EIF4B: variants seen among roughly 807,000 people sequenced by gnomAD.
EIF4B encodes the protein eukaryotic translation initiation factor 4B.
Under a neutral mutation model 79.3 loss-of-function variants are expected in EIF4B, and 8 were observed. The observed-to-expected ratio is 0.10, with a 90% CI of 0.06 to 0.18. The LOEUF (loss-of-function observed/expected upper bound fraction) is 0.18. EIF4B is among the 10% of genes least tolerant of loss of function. EIF4B has a pLI of 1.00. For missense variants in EIF4B, 515 were observed against 792.4 expected, an observed-to-expected ratio of 0.65 and a Z score of 4.20; for synonymous variants, 238 against 274.7, an observed-to-expected ratio of 0.87 and a Z score of 1.32.
At chr12:53,029,465 T>G (rs1943397727) in intron 8 of EIF4B, among the ~76,000 whole-genome samples, 1 of 151,022 alleles carries the variant, frequency 6.6e-6, no homozygotes, top group Non-Finnish European at 1.5e-5. Context: ...AACCTTTGCG[T>G]CCTAGGTTCA....
chr12:53,017,437 A>G (rs1034730982), intron 2 of EIF4B, among the ~76,000 whole-genome samples: 1 of 152,160 alleles, frequency 6.6e-6, no homozygotes, highest in African/African-American at 2.4e-5. Context: ...TCAATTGGAC[A>G]AGTTCTGTGC....
chr12:53,010,224 A>C (rs561216263), intron 1 of EIF4B, among the ~76,000 whole-genome samples: 72 of 152,312 alleles, frequency 4.7e-4, no homozygotes, highest in African/African-American at 1.4e-3. Flanking sequence ...AAAATGAAGT[A>C]ATTGGGCACA....
At chr12:53,012,699 G>A (rs1158083702) in intron 1 of EIF4B, among the ~76,000 whole-genome samples, 3 of 149,972 alleles carry the variant, frequency 2.0e-5, no homozygotes, top group Admixed American at 6.7e-5. Flanking sequence ...TCCGCCTCCC[G>A]GGTTCACGCC....
At chr12:53,029,642 G>A (rs1420754987) in intron 8 of EIF4B, among the ~76,000 whole-genome samples, 1 of 152,092 alleles carries the variant, frequency 6.6e-6, no homozygotes, top group African/African-American at 2.4e-5. Flanking sequence ...CCAAAGTGTT[G>A]GGATTACAGG....
Position 53,019,918 on chromosome 12 carries a change from A to G in EIF4B, c.369A>G (p.Ala123=). The change falls in exon 4 of 15, where the codon GCA becomes GCG. Residue 123 remains alanine (A), a synonymous_variant. Transcript: ENST00000262056. ...KEFFRGLNIS[A]VRLPREPSNP... ...GATTCTTATTCCTTCAGATCAGTGC[A>G]GTGCGTTTACCACGTGAACCCAGCA... The G allele has an allele frequency of 6.2e-7, 1 of 1,609,746 alleles. No individual in the cohort carries two copies. Among genetic ancestry groups the G allele is most frequent in the Non-Finnish European group, 8.5e-7 (1 of 1,178,740 alleles).
intron 1 of EIF4B, among the ~76,000 whole-genome samples, chr12:53,009,204 G>C (rs567483928): frequency 2.6e-5 from 4 of 152,068 alleles, no homozygotes; most frequent in Non-Finnish European, 5.9e-5. Context: ...AATCAAATGC[G>C]TTTGATACAG....
chr12:53,013,050 G>A (rs1452672639), intron 1 of EIF4B, among the ~76,000 whole-genome samples: 3 of 152,126 alleles, frequency 2.0e-5, no homozygotes, highest in East Asian at 1.9e-4. Context: ...TTCAAATAAC[G>A]TTAAAGAAGA....
At chr12:53,026,576 A>G (rs1056864288) in intron 6 of EIF4B, among the ~76,000 whole-genome samples, 2 of 152,146 alleles carry the variant, frequency 1.3e-5, no homozygotes, top group African/African-American at 2.4e-5. Context: ...TTCTAATACA[A>G]CTTTCAGTAT....
At chr12:53,014,160 G>A (rs9705473) in intron 1 of EIF4B, among the ~76,000 whole-genome samples, 121,258 of 151,730 alleles carry the variant, frequency 0.8, 50,765 homozygotes, top group Non-Finnish European at 0.93. Context: ...GGCCGGGCGC[G>A]TTGGCTCACG....
chr12:53,041,848 G>C lies in EIF4B; in HGVS notation c.*1625G>C, dbSNP rs1462841825. ...GGATTGGCCAGTAGCTAAGAAGTGG[G>C]CTTTTAAAGAGTATTGAAGATTGAA... On this transcript the variant is annotated 3_prime_UTR_variant, in exon 15 of 15. Coordinates refer to ENST00000262056, the MANE Select transcript of EIF4B (RefSeq NM_001417.7). 1 of 151,550 alleles carries C rather than the reference G, an allele frequency of 6.6e-6. No homozygotes were observed. The highest frequency in any genetic ancestry group is 1.5e-5 in the Non-Finnish European group (1 of 67,838). 9.4% of individuals were successfully genotyped at this position (151,550 alleles called of 1,614,324 possible).
intron 1 of EIF4B, among the ~76,000 whole-genome samples, chr12:53,016,090 T>C (rs1031973895): frequency 4.6e-5 from 7 of 152,236 alleles, no homozygotes; most frequent in African/African-American, 1.7e-4. Context: ...GATACGAATT[T>C]TTATTGATCT....
chr12:53,009,507 C>A (rs202143099), intron 1 of EIF4B, among the ~76,000 whole-genome samples: 45 of 140,356 alleles, frequency 3.2e-4, no homozygotes, highest in Middle Eastern at 3.7e-3. Flanking sequence ...AAAAAAAAAA[C>A]AAAAACAAAC....
rs1392985729 is a variant in EIF4B at position 53,039,659 on chromosome 12, G to T, written c.1712G>T (p.Arg571Ile). ...GATGGCAAAAAGGATCAAGACTCCA[G>T]ATCTGCACCTGAGCCAAAGAAACCT... Reference protein sequence around the residue: ...RKDGKKDQDSRSAPEPKKPEE... With the variant: ...RKDGKKDQDSISAPEPKKPEE... Residue 571 changes from arginine to isoleucine, a missense_variant, in exon 14 of 15, where the codon AGA becomes ATA. Physicochemically the swap from Arg to Ile is moderately conservative, Grantham distance 97. This residue lies in a region of EIF4B where 60 missense variants were observed against 56.7 expected (regional missense o/e 1.06). Coordinates refer to ENST00000262056, the MANE Select transcript of EIF4B (RefSeq NM_001417.7). 1 of 1,613,756 alleles carries T rather than the reference G, an allele frequency of 6.2e-7. No homozygotes were observed. Among genetic ancestry groups the T allele is most frequent in the African/African-American group, 1.3e-5 (1 of 74,908 alleles).
intron 12 of EIF4B, 46 bp downstream of exon 12, chr12:53,038,457 A>G (rs779344895): frequency 9.8e-6 from 15 of 1,525,334 alleles, no homozygotes; most frequent in African/African-American, 2.8e-5. Flanking sequence ...AGAAGCCTAA[A>G]TAAAAAGGCC....
chr12:53,017,098 C>A (rs893561087), intron 2 of EIF4B, among the ~76,000 whole-genome samples: 1 of 152,006 alleles, frequency 6.6e-6, no homozygotes, highest in African/African-American at 2.4e-5. Flanking sequence ...ACTAAAAATA[C>A]AAAAATTAGC....
chr12:53,037,649 G>C, intron 11 of EIF4B, 27 bp downstream of exon 11: 1 of 1,610,156 alleles, frequency 6.2e-7, no homozygotes. Flanking sequence ...ACAGTAGTTG[G>C]TTAACTGCAG....
At chr12:53,038,526 T>G in intron 12 of EIF4B, 115 bp downstream of exon 12, 2 of 1,070,602 alleles carry the variant, frequency 1.9e-6, no homozygotes, top group East Asian at 3.0e-5. Context: ...TTAAGAGTTC[T>G]TGGGTTGGCC....
chr12:53,028,651 CA>C (rs1157330983), intron 8 of EIF4B, among the ~76,000 whole-genome samples: 1 of 151,098 alleles, frequency 6.6e-6, no homozygotes, highest in Admixed American at 6.6e-5. Flanking sequence ...ATAGATTTTT[CA>C]GTTAAAATTT....
intron 8 of EIF4B, among the ~76,000 whole-genome samples, chr12:53,030,410 A>ATTTTTTTTTTTTTTTTTTTTTTTTTTTTT (rs1555153412): frequency 5.8e-5 from 2 of 34,254 alleles, no homozygotes; most frequent in Non-Finnish European, 1.9e-4. Flanking sequence ...AAAAAATTAT[A>ATTTTTTTTTTTTTTTTTTTTTTTTTTTTT]TTCTTTTTTT....
Sources: gnomAD v4.1 joint callset for allele counts (sites outside exome capture counted in the v4.1 genomes callset) on GRCh38, gnomAD v4.1.1 for gene constraint, gnomAD v4.1.1 regional missense constraint, MANE v1.5 for transcripts, NCBI Gene and HGNC (gene_info 2026-07-23, HGNC 2026-07-21) for gene names.